Variants in METTL16 observed in about 807,000 individuals in gnomAD.
METTL16 encodes the protein RNA N(6)-adenosine-methyltransferase METTL16.
A neutral mutation model predicts 57.9 loss-of-function variants in METTL16; 19 were observed. The ratio of observed to expected loss-of-function variants is 0.33; its 90% CI spans 0.23 to 0.48. The LOEUF is 0.48. Ranked by LOEUF, METTL16 falls within the 20% of genes least tolerant of loss-of-function variation. The pLI, the probability that METTL16 is intolerant of heterozygous loss-of-function variation, is 0.99. For missense variants in METTL16, 434 were observed against 691.5 expected (o/e 0.63, Z 4.18); for synonymous variants, 246 against 255.6 (o/e 0.96, Z 0.36).
chr17:2,492,897 C>CAA (rs56853674), intron 2 of METTL16, among the ~76,000 whole-genome samples: 18,001 of 75,416 alleles, frequency 0.24, 2,129 homozygotes, highest in East Asian at 0.33. Flanking sequence ...GACTCCGTCT[C>CAA]AAAAAAAAAA....
intron 2 of METTL16, among the ~76,000 whole-genome samples, chr17:2,478,155 G>A (rs998957947): frequency 1.8e-4 from 27 of 152,252 alleles, no homozygotes; most frequent in Admixed American, 9.8e-4. Flanking sequence ...CTGTCTCGTC[G>A]TCTCCTCACT....
At chr17:2,507,725 G>A (rs558271757) in intron 1 of METTL16, among the ~76,000 whole-genome samples, 1 of 152,372 alleles carries the variant, frequency 6.6e-6, no homozygotes, top group African/African-American at 2.4e-5. Context: ...TCGGATGGTT[G>A]CCGTGGCTGT....
At position 2,416,097 on chromosome 17, in the gene METTL16, T is replaced by G. The variant is rs538129419; in HGVS notation, c.*3873A>C. The G allele has an allele frequency of 6.6e-6, 1 of 152,204 alleles. No homozygotes were observed. The highest frequency in any genetic ancestry group is 6.5e-5 in the Admixed American group (1 of 15,280). 9.4% of individuals were successfully genotyped at this position (152,204 alleles called of 1,614,324 possible). On this transcript the variant is annotated 3_prime_UTR_variant, in exon 10 of 10. Transcript: ENST00000263092. Reference sequence around the variant, plus strand: ...TTTTCAAATTTTATTTCTGTGAAAATGTATTTGTTTACATAAAAATACAAA... The same window carrying G: ...TTTTCAAATTTTATTTCTGTGAAAAGGTATTTGTTTACATAAAAATACAAA...
intron 3 of METTL16, 51 bp from the exon 4 acceptor site, chr17:2,473,715 A>T (rs755581812): frequency 1.3e-6 from 2 of 1,560,482 alleles, no homozygotes; most frequent in Non-Finnish European, 1.7e-6. Flanking sequence ...GGGAAAGGTT[A>T]CAATAATCAT....
At chr17:2,456,628 CCA>C (rs1341239786) in intron 6 of METTL16, among the ~76,000 whole-genome samples, 9 of 152,092 alleles carry the variant, frequency 5.9e-5, no homozygotes, top group East Asian at 3.9e-4. Context: ...GAACATGCCA[CCA>C]CACACCAGGC....
At chr17:2,486,242 G>GC (rs36036834) in intron 2 of METTL16, among the ~76,000 whole-genome samples, 1 of 151,946 alleles carries the variant, frequency 6.6e-6, no homozygotes, top group Non-Finnish European at 1.5e-5. Context: ...GAAAGTGAAA[G>GC]AAAAACTATT....
intron 1 of METTL16, among the ~76,000 whole-genome samples, chr17:2,503,126 C>T (rs1265278449): frequency 6.6e-6 from 1 of 152,112 alleles, no homozygotes; most frequent in African/African-American, 2.4e-5. Context: ...AAAGGAGGAA[C>T]TGAAACAGAT....
chr17:2,500,597 C>T (rs1308941357), intron 2 of METTL16, among the ~76,000 whole-genome samples: 1 of 151,930 alleles, frequency 6.6e-6, no homozygotes, highest in East Asian at 1.9e-4. Flanking sequence ...TATTCTTTCC[C>T]TTCCTTTTTC....
intron 8 of METTL16, among the ~76,000 whole-genome samples, chr17:2,425,382 T>C (rs2066810637): frequency 6.6e-6 from 1 of 152,250 alleles, no homozygotes; most frequent in Admixed American, 6.5e-5. Context: ...TTTACAATGA[T>C]TAATCCAGTT....
intron 6 of METTL16, among the ~76,000 whole-genome samples, chr17:2,454,722 G>T (rs2067096640): frequency 6.6e-6 from 1 of 151,096 alleles, no homozygotes. Context: ...CCGCCATCAT[G>T]CCCAGCTAAT....
In METTL16 at chr17:2,420,555, G is replaced by A; in HGVS notation, c.1104C>T (p.Ser368=). 6.2e-7 allele frequency: 1 copy of A among 1,612,986 alleles called. No individual in the cohort carries two copies. The highest frequency in any genetic ancestry group is 2.2e-5 in the East Asian group (1 of 44,882). Residue 368 remains serine, a synonymous_variant, in exon 10 of 10, where the codon AGC becomes AGT. Transcript: ENST00000263092. The surrounding 1 kb of genome is among the most constrained non-coding windows in gnomAD (Gnocchi z 5.4). ...KRVPCGKEEV[S]LFLTAIENSW... ...AGTTTTCTATGGCCGTTAGGAAAAG[G>A]CTGACTTCCTCTTTTCCACAGGGAA...
At chr17:2,481,946 T>C (rs7207104) in intron 2 of METTL16, among the ~76,000 whole-genome samples, 88,635 of 151,942 alleles carry the variant, frequency 0.58, 26,441 homozygotes, top group African/African-American at 0.64. Flanking sequence ...ATGAGGCTGC[T>C]TTTAGATGTC....
At chr17:2,455,183 G>C (rs1277900024) in intron 6 of METTL16, 1 of 168,018 alleles carries the variant, frequency 6.0e-6, no homozygotes, top group Non-Finnish European at 1.3e-5. Context: ...CCGCCTCCCA[G>C]GTTCAAGCGA....
At chr17:2,425,755 C>T (rs1489942828) in intron 8 of METTL16, among the ~76,000 whole-genome samples, 2 of 151,710 alleles carry the variant, frequency 1.3e-5, no homozygotes, top group African/African-American at 2.4e-5. Flanking sequence ...GGCGCAATTA[C>T]GGCTCAGTGC....
intron 6 of METTL16, among the ~76,000 whole-genome samples, chr17:2,447,939 G>A (rs1284489085): frequency 1.4e-4 from 15 of 107,198 alleles, no homozygotes; most frequent in Non-Finnish European, 1.5e-4. Flanking sequence ...CGCCCCGTCC[G>A]GGAGGGAGGT....
rs1165795591 is a variant in METTL16, at chr17:2,507,621, T to G, written c.-1+4138A>C. ...CTGCCCGGCCACCACCCCGTCTGGG[T>G]GGTGTACCCAACAGCTCATTGAGAA... On this transcript the variant is annotated intron_variant, in intron 1 of 9. Transcript: ENST00000263092. Among the ~76,000 whole-genome samples the G allele has an allele frequency of 2.0e-5, 3 of 151,618 alleles. No homozygotes were observed. The South Asian group carries it at 6.3e-4, about 32-fold the overall frequency.
At chr17:2,446,746 G>T (rs1231533676) in intron 6 of METTL16, among the ~76,000 whole-genome samples, 1 of 151,982 alleles carries the variant, frequency 6.6e-6, no homozygotes, top group African/African-American at 2.4e-5. Context: ...CGCCTCACTG[G>T]TTCTCGTTTT....
At chr17:2,467,617 G>T in intron 5 of METTL16, 144 bp downstream of exon 5, 1 of 557,590 alleles carries the variant, frequency 1.8e-6, no homozygotes, top group South Asian at 1.9e-5. Flanking sequence ...TAGTAGAGAC[G>T]GAGTTTCACC....
rs1210291053 is a variant in METTL16 at position 2,420,825 on chromosome 17, T to A, written c.968A>T (p.Glu323Val). ...TFVVLASVMK[E>V]LSLKASPLRS... is the part of the protein sequence containing the mutation. Reference sequence around the variant, plus strand: ...CAGAGGTGATGCTTTGAGGGATAATTCCTTCATCACGGACGCCAGCACCAC... The same window carrying A: ...CAGAGGTGATGCTTTGAGGGATAATACCTTCATCACGGACGCCAGCACCAC... Residue 323 changes from glutamate to valine, a missense_variant, in exon 9 of 10, where the codon GAA becomes GTA. By Grantham distance (121) the Glu-to-Val change is moderately radical (BLOSUM62 -2). Around this residue, in one of 5 missense-constraint regions of METTL16, gnomAD observed 96 missense variants for 138.3 expected, o/e 0.69. Coordinates refer to ENST00000263092, the MANE Select transcript of METTL16 (RefSeq NM_024086.4). This position sits in a 1 kb window ranked among gnomAD's most constrained non-coding sequence, Gnocchi z 5.4. 3 of 1,614,244 alleles carry A rather than the reference T, an allele frequency of 1.9e-6. No homozygotes were observed. The highest frequency in any genetic ancestry group is 2.5e-6 in the Non-Finnish European group (3 of 1,180,038).
Sources: allele counts gnomAD v4.1 joint callset (sites outside exome capture counted in the v4.1 genomes callset), GRCh38; gene constraint gnomAD v4.1.1; regional missense constraint gnomAD v4.1.1; non-coding constraint Gnocchi (gnomAD v3.1); transcripts MANE v1.5; gene names NCBI Gene and HGNC (gene_info 2026-07-23, HGNC 2026-07-21).